DHRS4: variants seen among roughly 807,000 people sequenced by gnomAD.
DHRS4 encodes dehydrogenase/reductase 4.
Under a neutral mutation model 28.4 loss-of-function variants are expected in DHRS4, and 20 were observed. That is an observed-to-expected ratio of 0.71 (90% CI 0.50 to 1.02). DHRS4 has a LOEUF of 1.02. DHRS4 is among the 50% of genes least tolerant of loss of function. DHRS4 has a pLI of 0.00. For missense variants in DHRS4, 378 were observed against 367.2 expected (o/e 1.03, Z -0.24); for synonymous variants, 144 against 146.4 (o/e 0.98, Z 0.12).
Position 23,955,152 on chromosome 14 carries a change from C to G in DHRS4, c.246C>G (p.Ser82Arg), listed in dbSNP as rs1294647347. The G allele has an allele frequency of 6.2e-7, 1 of 1,613,762 alleles. No homozygotes were observed. Residue 82 changes from serine (S) to arginine (R), a missense_variant, in exon 2 of 8, where the codon AGC becomes AGG. Physicochemically the swap from Ser to Arg is moderately radical, Grantham distance 110. Coordinates refer to ENST00000313250, the MANE Select transcript of DHRS4 (RefSeq NM_021004.4). ...AVATLQGEGL[S>R]VTGTVCHVGK... is the part of the protein sequence containing the mutation. ...CCACGCTGCAGGGGGAGGGGCTGAG[C>G]GTGACGGGCACCGTGTGCCATGTGG... is the stretch of plus-strand genomic sequence containing the variant.
chr14:23,967,181 A>C (rs2033661318), intron 6 of DHRS4, 30 bp from the exon 7 acceptor site: 1 of 1,595,912 alleles, frequency 6.3e-7, no homozygotes, highest in Non-Finnish European at 8.5e-7. Context: ...AGAAAAAAAA[A>C]ACATAAAGAG....
intron 2 of DHRS4, among the ~76,000 whole-genome samples, chr14:23,955,463 A>C (rs1454140164): frequency 6.6e-6 from 1 of 152,168 alleles, no homozygotes; most frequent in Non-Finnish European, 1.5e-5. Context: ...TTTCAATCTA[A>C]TTGAACAGAT....
chr14:23,953,951 C>T (rs754409929), intron 1 of DHRS4, 35 bp downstream of exon 1: 6 of 1,556,394 alleles, frequency 3.9e-6, no homozygotes, highest in Non-Finnish European at 5.2e-6. Context: ...GAGGCCCTGG[C>T]TGCCTGGAAA....
At chr14:23,962,987 T>G in intron 3 of DHRS4, among the ~76,000 whole-genome samples, 1 of 135,960 alleles carries the variant, frequency 7.4e-6, no homozygotes. Flanking sequence ...ACCAGGTGCA[T>G]TGTCAATGAG....
rs748484882 is a variant in DHRS4 at position 23,968,715 on chromosome 14, T to C, written c.723-42T>C. 54 of 1,602,900 alleles carry C rather than the reference T, an allele frequency of 3.4e-5. 1 individual carries two copies. The highest frequency in any genetic ancestry group is 1.7e-4 in the Admixed American group (10 of 58,768). ...GTGTCCCAGGTGAGGGAGGCAGAAC[T>C]GTTTGATTTTTACCTCCTTCCTTGC... On this transcript the variant is annotated intron_variant, in intron 7 of 7. Transcript: ENST00000313250.
At chr14:23,966,238 A>G in intron 5 of DHRS4, 45 bp from the exon 6 acceptor site, 1 of 1,587,420 alleles carries the variant, frequency 6.3e-7, no homozygotes, top group Non-Finnish European at 8.6e-7. Context: ...AGAACCAAGA[A>G]TGACCTGGAA....
chr14:23,954,964 C>T (rs746460261), intron 1 of DHRS4, 71 bp from the exon 2 acceptor site: 2 of 1,596,734 alleles, frequency 1.3e-6, no homozygotes, highest in Non-Finnish European at 8.5e-7. Flanking sequence ...GCAGTCTTAA[C>T]TTCAGAGCTC....
chr14:23,959,563 G>C (rs2033319909), intron 2 of DHRS4, among the ~76,000 whole-genome samples: 1 of 152,122 alleles, frequency 6.6e-6, no homozygotes, highest in Non-Finnish European at 1.5e-5. Flanking sequence ...GTCTAAAAAA[G>C]AAAGAAGCCA....
intron 7 of DHRS4, among the ~76,000 whole-genome samples, chr14:23,968,434 AT>A (rs1459430418): frequency 6.6e-6 from 1 of 150,506 alleles, no homozygotes; most frequent in Non-Finnish European, 1.5e-5. Context: ...ATGTGAAACC[AT>A]TTTTTTGAAG....
chr14:23,963,323 G>T (rs1344540853), intron 3 of DHRS4, among the ~76,000 whole-genome samples: 3 of 122,720 alleles, frequency 2.4e-5, no homozygotes, highest in Non-Finnish European at 4.8e-5. Context: ...CCACTAGAAG[G>T]TTGTTTCATC....
At chr14:23,968,464 C>A (rs113549853) in intron 7 of DHRS4, among the ~76,000 whole-genome samples, 2 of 150,430 alleles carry the variant, frequency 1.3e-5, no homozygotes, top group African/African-American at 2.5e-5. Context: ...AATTGCTCAC[C>A]ATTTTATCTA....
chr14:23,962,624 TC>T (rs2033460444), intron 3 of DHRS4, among the ~76,000 whole-genome samples: 2 of 151,888 alleles, frequency 1.3e-5, no homozygotes, highest in Non-Finnish European at 2.9e-5. Context: ...CATCTGCAGT[TC>T]CTTCCTCTGA....
In DHRS4 at chr14:23,959,979, T is replaced by A. The variant is rs1236736758; in HGVS notation, c.384T>A (p.Asp128Glu). The stretch of plus-strand genomic sequence containing the variant: ...ACCCTTTCTTTGGAAGCATAATGGA[T>A]GTCACTGAGGAGGTGTGGGACAAGG... ...AVNPFFGSIM[D>E]VTEEVWDKTL... The change falls in exon 3 of 8, where the codon GAT (aspartate) becomes GAA (glutamate). Residue 128 changes from aspartate (D) to glutamate (E), a missense_variant. Asp to Glu is a conservative substitution (Grantham distance 45). Transcript: ENST00000313250. 6.2e-7 allele frequency: 1 copy of A among 1,607,100 alleles called. No homozygotes were observed. Among genetic ancestry groups the A allele is most frequent in the Non-Finnish European group, 8.5e-7 (1 of 1,179,404 alleles).
intron 2 of DHRS4, among the ~76,000 whole-genome samples, chr14:23,958,890 C>T (rs1276744499): frequency 2.0e-5 from 3 of 152,176 alleles, no homozygotes; most frequent in South Asian, 4.1e-4. Flanking sequence ...CCCCAGTGTG[C>T]CACTACTGAA....
chr14:23,957,804 G>C (rs1328062396), intron 2 of DHRS4, among the ~76,000 whole-genome samples: 1 of 149,302 alleles, frequency 6.7e-6, no homozygotes, highest in African/African-American at 2.5e-5. Flanking sequence ...TCCCCACTGG[G>C]CCTACCAAAG....
rs1424880245 is a variant in DHRS4 at position 23,965,998 on chromosome 14, G to A, written c.531+15G>A. The A allele has an allele frequency of 6.2e-7, 1 of 1,610,072 alleles. No homozygotes were observed. Among genetic ancestry groups the A allele is most frequent in the African/African-American group, 1.3e-5 (1 of 74,480 alleles). On this transcript the variant is annotated intron_variant, in intron 5 of 7. Coordinates refer to ENST00000313250, the MANE Select transcript of DHRS4 (RefSeq NM_021004.4). ...GTCCATCTCCTGTAAGAACCCTTTTGTCTACCTCTTCCATCCCACCCTCCA... is the reference window on the plus strand; with the variant it reads ...GTCCATCTCCTGTAAGAACCCTTTTATCTACCTCTTCCATCCCACCCTCCA...
At chr14:23,968,400 TC>T (rs1482896963) in intron 7 of DHRS4, among the ~76,000 whole-genome samples, 6 of 150,768 alleles carry the variant, frequency 4.0e-5, no homozygotes, top group Non-Finnish European at 8.8e-5. Flanking sequence ...TCACACAGAC[TC>T]CCTGATACTT....
At position 23,963,510 on chromosome 14, in the gene DHRS4, G is replaced by A. The variant is rs977074731; in HGVS notation, c.409-2252G>A. Among the ~76,000 whole-genome samples, 19 of 148,100 alleles carry A rather than the reference G, an allele frequency of 1.3e-4. 1 individual carries two copies. Among genetic ancestry groups the A allele is most frequent in the Non-Finnish European group, 2.5e-4 (17 of 67,382 alleles). ...ACCACTGCTAGCTTCCAACTTTTCC[G>A]GAGCTTCTTCACCTCTCTCAGCCTT... On this transcript the variant is annotated intron_variant, in intron 3 of 7. Transcript: ENST00000313250.
rs147353351 is a variant in DHRS4, at chr14:23,960,030, C to CGGGGG, written c.408+31_408+35dup. On this transcript the variant is annotated intron_variant, in intron 3 of 7. Transcript: ENST00000313250. ...TGAGAGGGGATTAAAGCAGGGGGGC[C>CGGGGG]GGGGGGGGCGCCTTGGAACACATTC... is the stretch of plus-strand genomic sequence containing the variant. 1.9e-4 allele frequency: 197 copies of CGGGGG among 1,037,560 alleles called. 2 individuals carry two copies. In the African/African-American group the frequency reaches 3.5e-3, roughly 18 times the overall value. The allele number at this position is 1,037,560 out of a possible 1,614,324, so 64.3% of individuals were successfully genotyped here.
Sources: allele counts gnomAD v4.1 joint callset (sites outside exome capture counted in the v4.1 genomes callset), GRCh38; gene constraint gnomAD v4.1.1; transcripts MANE v1.5; gene names NCBI Gene and HGNC (gene_info 2026-07-23, HGNC 2026-07-21).